SERTAD2: variants seen among roughly 807,000 people sequenced by gnomAD.
SERTAD2 encodes SERTA domain containing 2.
A neutral mutation model predicts 15.4 loss-of-function variants in SERTAD2; 2 were observed. The observed-to-expected ratio is 0.13, with a 90% CI of 0.05 to 0.41. The LOEUF is 0.41. Ranked by LOEUF, SERTAD2 falls within the 10% of genes least tolerant of loss-of-function variation. The pLI is 0.99. For synonymous variants in SERTAD2, 180 were observed against 178.0 expected (o/e 1.01, Z -0.09); for missense variants, 333 against 409.7 (o/e 0.81, Z 1.62).
At chr2:64,651,867 T>G (rs754969581) in intron 1 of SERTAD2, among the ~76,000 whole-genome samples, 7 of 152,024 alleles carry the variant, frequency 4.6e-5, no homozygotes, top group Non-Finnish European at 8.8e-5. Flanking sequence ...CCTGTCTGAA[T>G]GAAGTAAGGA....
intron 1 of SERTAD2, among the ~76,000 whole-genome samples, chr2:64,645,536 C>T (rs1204260184): frequency 6.6e-6 from 1 of 152,218 alleles, no homozygotes; most frequent in African/African-American, 2.4e-5. Context: ...TTTTTACATG[C>T]TCCTATTAAA....
At chr2:64,640,204 T>A (rs760366371) in intron 1 of SERTAD2, among the ~76,000 whole-genome samples, 6 of 152,114 alleles carry the variant, frequency 3.9e-5, no homozygotes, top group Non-Finnish European at 8.8e-5. Flanking sequence ...TTTCCTTAAG[T>A]TTGCCTGACA....
rs147664988 is a variant in SERTAD2 at position 64,636,476 on chromosome 2, C to G, written c.396G>C (p.Pro132=). 11 of 1,613,572 alleles carry G rather than the reference C, an allele frequency of 6.8e-6. No individual in the cohort carries two copies. The African/African-American group carries it at 1.3e-4, about 20-fold the overall frequency. The change falls in exon 2 of 2, where the codon CCG becomes CCC. Residue 132 remains proline, a synonymous_variant. Coordinates refer to ENST00000313349, the MANE Select transcript of SERTAD2 (RefSeq NM_014755.3). ...STTPLEACLT[P]ASLLEDDDDT... is the part of the protein sequence containing the mutation. ...CATCGTCGTCCTCGAGCAGTGAGGC[C>G]GGGGTGAGGCAGGCCTCCAGGGGCG... is the stretch of plus-strand genomic sequence containing the variant.
rs575914137 is a variant in SERTAD2, at chr2:64,640,229, T to C, written c.-4-3354A>G. ...TTTGCCTGACACACTGCAGTAACAT[T>C]ACAATGAGCATATTCAGAAGAGGCC... On this transcript the variant is annotated intron_variant, in intron 1 of 1. Coordinates refer to ENST00000313349, the MANE Select transcript of SERTAD2 (RefSeq NM_014755.3). 3.9e-5 allele frequency among the ~76,000 whole-genome samples: 6 copies of C among 152,318 alleles called. No individual in the cohort carries two copies. In the East Asian group the frequency reaches 1.2e-3, roughly 29 times the overall value.
rs115853970 is a variant in SERTAD2, at chr2:64,638,538, G to A, written c.-4-1663C>T. Among the ~76,000 whole-genome samples, 841 of 152,334 alleles carry A rather than the reference G, an allele frequency of 5.5e-3. 9 individuals carry two copies. The highest frequency in any genetic ancestry group is 7.2e-3 in the Non-Finnish European group (492 of 68,028). On this transcript the variant is annotated intron_variant, in intron 1 of 1. Coordinates refer to ENST00000313349, the MANE Select transcript of SERTAD2 (RefSeq NM_014755.3). ...GTAGACATGGAGCCTGCCACTTGGG[G>A]TAACCGTCTTACCTCATGTCTCATG...
Position 64,636,784 on chromosome 2 carries a change from T to C in SERTAD2, c.88A>G (p.Lys30Glu). The C allele has an allele frequency of 6.2e-7, 1 of 1,614,218 alleles. No individual in the cohort carries two copies. Among genetic ancestry groups the C allele is most frequent in the Non-Finnish European group, 8.5e-7 (1 of 1,180,046 alleles). Residue 30 changes from lysine (K) to glutamate (E), a missense_variant, in exon 2 of 2, where the codon AAG becomes GAG. By Grantham distance (56) the Lys-to-Glu change is moderately conservative. Around this residue, in one of 2 missense-constraint regions of SERTAD2, gnomAD observed 332 missense variants for 392.9 expected, o/e 0.84. Transcript: ENST00000313349. ...KIVSPCDGPS[K>E]VSYTLQRQTI... ...TGGCGCTGTAAGGTGTAAGACACCT[T>C]GGATGGACCGTCACAGGGAGACACG...
At position 64,636,119 on chromosome 2, in the gene SERTAD2, A is replaced by C. The variant is rs763568206; in HGVS notation, c.753T>G (p.Ile251Met). 1 of 1,614,050 alleles carries C rather than the reference A, an allele frequency of 6.2e-7. No individual in the cohort carries two copies. ...LTLDDILFADIDTSMYDFDPC... is the reference protein window; with the variant it reads ...LTLDDILFADMDTSMYDFDPC... ...GGTCAAAATCATACATGGACGTATC[A>C]ATGTCAGCAAACAGGATGTCATCCA... Residue 251 changes from isoleucine (I) to methionine (M), a missense_variant, in exon 2 of 2, where the codon ATT becomes ATG. Physicochemically the swap from Ile to Met is conservative, Grantham distance 10. Transcript: ENST00000313349.
At chr2:64,650,022 T>C (rs1257125233) in intron 1 of SERTAD2, among the ~76,000 whole-genome samples, 1 of 152,182 alleles carries the variant, frequency 6.6e-6, no homozygotes, top group African/African-American at 2.4e-5. Flanking sequence ...GAATACAGCT[T>C]AGGTGATCTT....
In SERTAD2 at chr2:64,635,857, T is replaced by C; in HGVS notation, c.*70A>G. ...AAGGCAAGCAAGGGTGCATGCACAG[T>C]GTGGAGAACTGTCAGGGTTATGGGA... On this transcript the variant is annotated 3_prime_UTR_variant, in exon 2 of 2. Transcript: ENST00000313349. 1 of 1,188,850 alleles carries C rather than the reference T, an allele frequency of 8.4e-7. No homozygotes were observed. Among genetic ancestry groups the C allele is most frequent in the Non-Finnish European group, 1.2e-6 (1 of 819,812 alleles). The allele number at this position is 1,188,850 out of a possible 1,614,324, so 73.6% of individuals were successfully genotyped here. A position where few individuals can be genotyped will look rare whatever the true frequency, so the allele number is the denominator to read the frequency against.
chr2:64,640,912 T>C (rs967038042), intron 1 of SERTAD2, among the ~76,000 whole-genome samples: 2 of 152,214 alleles, frequency 1.3e-5, no homozygotes, highest in South Asian at 2.1e-4. Flanking sequence ...CCCAGCCACT[T>C]TTCTACTGAA....
At chr2:64,646,761 T>C (rs1674910543) in intron 1 of SERTAD2, 1 of 152,208 alleles carries the variant, frequency 6.6e-6, no homozygotes, top group Non-Finnish European at 1.5e-5. Context: ...TTAATACTGG[T>C]ATTTCAAAAA....
intron 1 of SERTAD2, among the ~76,000 whole-genome samples, chr2:64,641,671 C>T (rs928006649): frequency 1.2e-4 from 18 of 152,076 alleles, no homozygotes; most frequent in African/African-American, 3.1e-4. Context: ...TGTCCTTGAG[C>T]GTGAACTGTG....
chr2:64,647,298 T>C (rs1287513179), intron 1 of SERTAD2, among the ~76,000 whole-genome samples: 1 of 152,238 alleles, frequency 6.6e-6, no homozygotes, highest in Non-Finnish European at 1.5e-5. Flanking sequence ...TTTATAATCA[T>C]TTGAATTGTG....
At chr2:64,648,320 T>C (rs1413831478) in intron 1 of SERTAD2, among the ~76,000 whole-genome samples, 1 of 152,222 alleles carries the variant, frequency 6.6e-6, no homozygotes, top group East Asian at 1.9e-4. Context: ...AAACTTTGTA[T>C]CATATACCTG....
At chr2:64,645,161 CA>C (rs1479833917) in intron 1 of SERTAD2, among the ~76,000 whole-genome samples, 2 of 152,104 alleles carry the variant, frequency 1.3e-5, no homozygotes, top group African/African-American at 4.8e-5. Context: ...ATTATAAAGC[CA>C]GTCACTAGAT....
In SERTAD2 at chr2:64,636,893, A is replaced by G. The variant is rs1674674558; in HGVS notation, c.-4-18T>C. On this transcript the variant is annotated intron_variant, in intron 1 of 1. Coordinates refer to ENST00000313349, the MANE Select transcript of SERTAD2 (RefSeq NM_014755.3). Reference sequence around the variant, plus strand: ...ACATATATCTGCAGAGGGGAGAGAGAGGAAATGGCATTAATCACATGAAAG... The same window carrying G: ...ACATATATCTGCAGAGGGGAGAGAGGGGAAATGGCATTAATCACATGAAAG... The G allele has an allele frequency of 1.3e-6, 2 of 1,530,702 alleles. No homozygotes were observed. Among genetic ancestry groups the G allele is most frequent in the Non-Finnish European group, 1.8e-6 (2 of 1,117,124 alleles). 94.8% of individuals were successfully genotyped at this position (1,530,702 alleles called of 1,614,324 possible).
intron 1 of SERTAD2, among the ~76,000 whole-genome samples, chr2:64,641,260 A>C (rs908499248): frequency 6.6e-6 from 1 of 152,180 alleles, no homozygotes; most frequent in African/African-American, 2.4e-5. Context: ...GTGTCCTCAA[A>C]AGTCAAAGGA....
In SERTAD2 at chr2:64,634,692, G is replaced by A. The variant is rs1674616628; in HGVS notation, c.*1235C>T. On this transcript the variant is annotated 3_prime_UTR_variant, in exon 2 of 2. Transcript: ENST00000313349. ...AGCAACATGATGGATGCCTTCTGGG[G>A]AGATTTTCTTCTTTAAGGGCCCTAA... 1 of 152,176 alleles carries A rather than the reference G, an allele frequency of 6.6e-6. No homozygotes were observed. The highest frequency in any genetic ancestry group is 2.1e-4 in the South Asian group (1 of 4,832). 9.4% of individuals were successfully genotyped at this position (152,176 alleles called of 1,614,324 possible). A position where few individuals can be genotyped will look rare whatever the true frequency, so the allele number is the denominator to read the frequency against.
At chr2:64,638,169 T>C (rs1460828765) in intron 1 of SERTAD2, among the ~76,000 whole-genome samples, 1 of 152,256 alleles carries the variant, frequency 6.6e-6, no homozygotes, top group Non-Finnish European at 1.5e-5. Context: ...CTCACTCTCA[T>C]GTCTTCATAT....
Sources: gnomAD v4.1 joint callset for allele counts (sites outside exome capture counted in the v4.1 genomes callset) on GRCh38, gnomAD v4.1.1 for gene constraint, gnomAD v4.1.1 regional missense constraint, MANE v1.5 for transcripts, NCBI Gene and HGNC (gene_info 2026-07-23, HGNC 2026-07-21) for gene names.